Variants in CDKN2AIPNL observed in about 807,000 individuals in gnomAD.
The protein encoded by CDKN2AIPNL is XRN2 binding domain containing 1.
In CDKN2AIPNL, 9 loss-of-function variants were observed where a neutral mutation model predicts 12.9. The ratio of observed to expected loss-of-function variants is 0.70; its 90% CI spans 0.42 to 1.22. The LOEUF (loss-of-function observed/expected upper bound fraction) is 1.22, where lower values mean the gene tolerates loss of function less well. Ranked by LOEUF, CDKN2AIPNL falls within the 50% of genes most tolerant of loss-of-function variation. The pLI is 0.00. For missense variants in CDKN2AIPNL, 143 were observed against 153.6 expected (o/e 0.93, Z 0.37); for synonymous variants, 53 against 61.7 (o/e 0.86, Z 0.66).
At chr5:134,403,639 AT>A (rs1159021169) in intron 2 of CDKN2AIPNL, among the ~76,000 whole-genome samples, 7 of 152,248 alleles carry the variant, frequency 4.6e-5, no homozygotes. Flanking sequence ...TTTTCTTTTT[AT>A]TTGAGACGGA....
intron 2 of CDKN2AIPNL, among the ~76,000 whole-genome samples, chr5:134,407,296 C>CACACA (rs1223265783): frequency 3.1e-4 from 44 of 140,876 alleles, no homozygotes; most frequent in African/African-American, 1.1e-3. Context: ...CACACACACA[C>CACACA]ACTTCACACT....
chr5:134,404,112 C>T lies in CDKN2AIPNL; in HGVS notation c.340-1186G>A, dbSNP rs550908087. On this transcript the variant is annotated intron_variant, in intron 2 of 2. Transcript: ENST00000458198. ...GGCTATGGAAGCGTACAGCTGCCGC[C>T]GGTTTGGGCTGCTGTGTATACCATC... 8.5e-5 allele frequency among the ~76,000 whole-genome samples: 13 copies of T among 152,298 alleles called. No homozygotes were observed. The East Asian group carries it at 1.3e-3, about 16-fold the overall frequency.
chr5:134,408,025 G>A (rs1279363809), intron 2 of CDKN2AIPNL, among the ~76,000 whole-genome samples: 1 of 151,982 alleles, frequency 6.6e-6, no homozygotes, highest in African/African-American at 2.4e-5. Flanking sequence ...CAGCTACTGG[G>A]GAGGCTGTGG....
chr5:134,410,849 T>A, intron 1 of CDKN2AIPNL: 1 of 602,596 alleles, frequency 1.7e-6, no homozygotes, highest in Admixed American at 2.9e-5. Flanking sequence ...CCTATTTTCC[T>A]AACACAATTT....
rs1561686938 is a variant in CDKN2AIPNL at position 134,402,928 on chromosome 5, T to C, written c.340-2A>G. The C allele has an allele frequency of 6.2e-7, 1 of 1,606,088 alleles. No individual in the cohort carries two copies. Among genetic ancestry groups the C allele is most frequent in the South Asian group, 1.1e-5 (1 of 90,714 alleles). ...AAATCTTCTGGCTTAGCTTTGATGC[T>C]GGGAAAAAAAGAAAAGAAAAGGTTA... On this transcript the variant is annotated splice_acceptor_variant, in intron 2 of 2. Transcript: ENST00000458198. LOFTEE classifies it high-confidence loss of function.
At chr5:134,405,166 C>T (rs990993064) in intron 2 of CDKN2AIPNL, among the ~76,000 whole-genome samples, 19 of 146,932 alleles carry the variant, frequency 1.3e-4, no homozygotes, top group Non-Finnish European at 2.7e-4. Context: ...ATTGCAGTGG[C>T]GCAATCTCGG....
intron 2 of CDKN2AIPNL, 52 bp downstream of exon 2, chr5:134,409,851 G>A: frequency 8.7e-7 from 1 of 1,149,930 alleles, no homozygotes; most frequent in South Asian, 1.3e-5. Flanking sequence ...ATCAAGGCAG[G>A]GACTGTTAAC....
intron 2 of CDKN2AIPNL, among the ~76,000 whole-genome samples, chr5:134,405,348 G>A (rs994170597): frequency 8.1e-5 from 12 of 148,978 alleles, no homozygotes; most frequent in Non-Finnish European, 1.6e-4. Context: ...CTTGTGATCC[G>A]CCCGCCTCGG....
intron 2 of CDKN2AIPNL, among the ~76,000 whole-genome samples, chr5:134,408,850 C>CT (rs969823375): frequency 1.6e-4 from 24 of 152,088 alleles, no homozygotes; most frequent in Non-Finnish European, 3.4e-4. Flanking sequence ...TAAAAGAATA[C>CT]TTTTTTAAGA....
At chr5:134,411,059 G>C in intron 1 of CDKN2AIPNL, 1 of 702,532 alleles carries the variant, frequency 1.4e-6, no homozygotes, top group Non-Finnish European at 2.6e-6. Context: ...AGGTGAAGCT[G>C]GTTCCTACTT....
At chr5:134,403,903 C>T (rs1056653692) in intron 2 of CDKN2AIPNL, among the ~76,000 whole-genome samples, 1 of 152,184 alleles carries the variant, frequency 6.6e-6, no homozygotes, top group Non-Finnish European at 1.5e-5. Context: ...GGATTAGAGG[C>T]GTGAGCCACT....
chr5:134,411,554 G>A, intron 1 of CDKN2AIPNL, 62 bp downstream of exon 1: 1 of 1,431,166 alleles, frequency 7.0e-7, no homozygotes, highest in Non-Finnish European at 9.8e-7. Flanking sequence ...GGTGAGCCCT[G>A]GGAGAGGCCT....
In CDKN2AIPNL at chr5:134,403,116, A is replaced by C. The variant is rs202073501; in HGVS notation, c.340-190T>G. ...AACATTGACCACAGCATCCATTTGG[A>C]AGCCAGAACTTGATTTTCCTGTCTT... is the stretch of plus-strand genomic sequence containing the variant. On this transcript the variant is annotated intron_variant, in intron 2 of 2. Coordinates refer to ENST00000458198, the MANE Select transcript of CDKN2AIPNL (RefSeq NM_080656.3). Among the ~76,000 whole-genome samples, 5 of 152,356 alleles carry C rather than the reference A, an allele frequency of 3.3e-5. No homozygotes were observed. In the East Asian group the frequency reaches 9.6e-4, roughly 29 times the overall value.
rs892746830 is a variant in CDKN2AIPNL, at chr5:134,402,622, G to GA, written c.*292dup. ...CGACAGAGTGAGACCTTGTCGATAAGAAAAAAAAAAACCTGAAAACAGAAA... is the reference window on the plus strand; with the variant it reads ...CGACAGAGTGAGACCTTGTCGATAAGAAAAAAAAAAAACCTGAAAACAGAAA... On this transcript the variant is annotated 3_prime_UTR_variant, in exon 3 of 3. Transcript: ENST00000458198. 0.05 allele frequency: 12,544 copies of GA among 248,504 alleles called. No homozygotes were observed. The highest frequency in any genetic ancestry group is 0.076 in the East Asian group (1,065 of 13,996). 15.4% of individuals were successfully genotyped at this position (248,504 alleles called of 1,614,324 possible). A position where few individuals can be genotyped will look rare whatever the true frequency, so the allele number is the denominator to read the frequency against.
intron 2 of CDKN2AIPNL, among the ~76,000 whole-genome samples, chr5:134,404,001 G>A (rs1759066599): frequency 6.6e-6 from 1 of 152,172 alleles, no homozygotes; most frequent in Admixed American, 6.5e-5. Flanking sequence ...CCATTTAGGA[G>A]AATGCGGTAT....
At position 134,402,714 on chromosome 5, in the gene CDKN2AIPNL, T is replaced by C. The variant is rs1759046163; in HGVS notation, c.*201A>G. The C allele has an allele frequency of 2.2e-6, 1 of 453,392 alleles. No individual in the cohort carries two copies. The highest frequency in any genetic ancestry group is 3.4e-5 in the East Asian group (1 of 29,808). The allele number at this position is 453,392 out of a possible 1,614,324, so 28.1% of individuals were successfully genotyped here. On this transcript the variant is annotated 3_prime_UTR_variant, in exon 3 of 3. Coordinates refer to ENST00000458198, the MANE Select transcript of CDKN2AIPNL (RefSeq NM_080656.3). Reference sequence around the variant, plus strand: ...TGATTTATAAATACATAAATATCCATGCATACTTTTACAGTGATAACTCCT... The same window carrying C: ...TGATTTATAAATACATAAATATCCACGCATACTTTTACAGTGATAACTCCT...
At position 134,411,870 on chromosome 5, in the gene CDKN2AIPNL, C is replaced by G. The variant is rs1447592910; in HGVS notation, c.-16G>C. The G allele has an allele frequency of 3.2e-6, 5 of 1,553,752 alleles. No homozygotes were observed. Among genetic ancestry groups the G allele is most frequent in the African/African-American group, 1.4e-5 (1 of 72,710 alleles). On this transcript the variant is annotated 5_prime_UTR_variant, in exon 1 of 3. Transcript: ENST00000458198. ...CACCGACCATGGTGCCCGCCGCAGC[C>G]GAGGACCGGATAGCCCGCCGCCTTC...
intron 2 of CDKN2AIPNL, 101 bp from the exon 3 acceptor site, chr5:134,403,027 C>T: frequency 1.1e-6 from 1 of 943,276 alleles, no homozygotes; most frequent in Non-Finnish European, 1.6e-6. Context: ...TATTTATGTA[C>T]TATCCAGACA....
rs1219091952 is a variant in CDKN2AIPNL at position 134,411,684 on chromosome 5, G to A, written c.171C>T (p.Gly57=). The stretch of plus-strand genomic sequence containing the variant: ...AGAGCAGCTGGTCCAGGCGGCCACT[G>A]CCGTCGGGCGGGTCGCGGTAGTCGG... ...HLPDYRDPPD[G]SGRLDQLLSL... The change falls in exon 1 of 3, where the codon GGC becomes GGT. Residue 57 remains glycine (G), a synonymous_variant. Coordinates refer to ENST00000458198, the MANE Select transcript of CDKN2AIPNL (RefSeq NM_080656.3). The A allele has an allele frequency of 6.2e-7, 1 of 1,613,152 alleles. No individual in the cohort carries two copies. Among genetic ancestry groups the A allele is most frequent in the Non-Finnish European group, 8.5e-7 (1 of 1,179,830 alleles).
Sources: allele counts gnomAD v4.1 joint callset (sites outside exome capture counted in the v4.1 genomes callset), GRCh38; gene constraint gnomAD v4.1.1; transcripts MANE v1.5; gene names NCBI Gene and HGNC (gene_info 2026-07-23, HGNC 2026-07-21).